SLK: variants seen among roughly 807,000 people sequenced by gnomAD.
SLK encodes the protein STE20-like serine/threonine-protein kinase.
Under a neutral mutation model 147.7 loss-of-function variants are expected in SLK, and 67 were observed. That is an observed-to-expected ratio of 0.45 (90% confidence interval 0.37 to 0.56). The LOEUF is 0.56. SLK is among the 20% of genes least tolerant of loss of function. SLK has a pLI of 0.00. For synonymous variants in SLK, 441 were observed against 475.0 expected, an observed-to-expected ratio of 0.93 and a Z score of 0.93; for missense variants, 1,136 against 1,438.8, an observed-to-expected ratio of 0.79 and a Z score of 3.41.
chr10:104,008,086 A>T (rs1443382941), intron 11 of SLK, 91 bp from the exon 12 acceptor site: 29 of 914,806 alleles, frequency 3.2e-5, no homozygotes, highest in African/African-American at 5.0e-5. Flanking sequence ...AAATTTAAAT[A>T]CTAGTTATGT....
intron 1 of SLK, among the ~76,000 whole-genome samples, chr10:103,969,114 C>G (rs988456802): frequency 6.6e-6 from 1 of 152,138 alleles, no homozygotes; most frequent in Non-Finnish European, 1.5e-5. Flanking sequence ...GGTTTACAGG[C>G]ATACGCCACC....
At chr10:104,010,112 G>A (rs1254810146) in intron 12 of SLK, among the ~76,000 whole-genome samples, 2 of 152,106 alleles carry the variant, frequency 1.3e-5, no homozygotes, top group Non-Finnish European at 2.9e-5. Context: ...ATAAATCATA[G>A]CTTACTAAAC....
intron 15 of SLK, among the ~76,000 whole-genome samples, chr10:104,019,439 A>G (rs1447643067): frequency 1.3e-5 from 2 of 151,948 alleles, no homozygotes; most frequent in Non-Finnish European, 2.9e-5. Context: ...TAATTAAAAA[A>G]AAAAATTTTG....
intron 1 of SLK, among the ~76,000 whole-genome samples, chr10:103,976,912 A>G (rs1299146276): frequency 6.6e-6 from 1 of 152,204 alleles, no homozygotes; most frequent in Non-Finnish European, 1.5e-5. Context: ...CAGTGTTGGC[A>G]CTACAGCCGT....
In SLK at chr10:104,003,095, TGAA is replaced by T. The variant is rs752133682; in HGVS notation, c.1921_1923del (p.Glu641del). The T allele has an allele frequency of 6.2e-7, 1 of 1,613,902 alleles. No homozygotes were observed. Among genetic ancestry groups the T allele is most frequent in the South Asian group, 1.1e-5 (1 of 91,074 alleles). On this transcript the variant is annotated inframe_deletion, in exon 9 of 19. Transcript: ENST00000369755. ...ATGAGGAACCAGGAACAACTGAAGGTGAAGAAATCACTGAGTCAAGTAGCACTG... is the reference window on the plus strand; with the variant it reads ...ATGAGGAACCAGGAACAACTGAAGGTGAAATCACTGAGTCAAGTAGCACTG...
At chr10:104,014,267 T>C (rs1309194043) in intron 13 of SLK, among the ~76,000 whole-genome samples, 3 of 152,242 alleles carry the variant, frequency 2.0e-5, no homozygotes, top group Non-Finnish European at 4.4e-5. Context: ...CGTTTAACTC[T>C]ATTTTCCATT....
chr10:103,993,761 T>TATATATA, intron 4 of SLK, among the ~76,000 whole-genome samples: 1 of 152,338 alleles, frequency 6.6e-6, no homozygotes, highest in South Asian at 2.1e-4. Flanking sequence ...AGTCTAGAGA[T>TATATATA]GAAGTCCAAA....
chr10:103,997,154 A>G (rs1460747832), intron 4 of SLK, among the ~76,000 whole-genome samples: 3 of 152,206 alleles, frequency 2.0e-5, no homozygotes, highest in African/African-American at 4.8e-5. Context: ...CTCTAGGTAT[A>G]TACGTATGTG....
intron 1 of SLK, among the ~76,000 whole-genome samples, chr10:103,978,752 CT>C (rs1202575478): frequency 1.3e-5 from 2 of 152,006 alleles, no homozygotes; most frequent in African/African-American, 4.8e-5. Flanking sequence ...TTTTATTGTT[CT>C]TTTAATTTAT....
Position 103,968,975 on chromosome 10 carries a change from C to CA in SLK, c.150+1080_150+1081insA, listed in dbSNP as rs1564647790. Among the ~76,000 whole-genome samples the CA allele has an allele frequency of 1.6e-4, 24 of 148,984 alleles. No homozygotes were observed. The South Asian group carries it at 4.9e-3, about 31-fold the overall frequency. On this transcript the variant is annotated intron_variant, in intron 1 of 18. Transcript: ENST00000369755. ...ATGAGAGCATTTTGCCTACTACTTT[C>CA]TTTTTTTTTTGAGACGGAGTTTCGC...
chr10:104,021,828 G>T, intron 18 of SLK, 95 bp downstream of exon 18: 1 of 686,564 alleles, frequency 1.5e-6, no homozygotes, highest in Non-Finnish European at 2.5e-6. Context: ...ACAGTGTCAG[G>T]GGCAGGAAAC....
chr10:103,992,594 G>A lies in SLK; in HGVS notation c.316-4G>A, dbSNP rs1340179498. 3 of 1,194,274 alleles carry A rather than the reference G, an allele frequency of 2.5e-6. No individual in the cohort carries two copies. 74.0% of individuals were successfully genotyped at this position (1,194,274 alleles called of 1,614,324 possible). On this transcript the variant is annotated splice_region_variant and splice_polypyrimidine_tract_variant and intron_variant, in intron 2 of 18. Transcript: ENST00000369755. ...CACGCTTTTTTTTTTTTTTTTGCAT[G>A]CAGATCCTCATTGAATTTTGTGCAG... is the stretch of plus-strand genomic sequence containing the variant.
Position 104,003,514 on chromosome 10 carries a change from C to T in SLK, c.2336C>T (p.Ser779Leu), listed in dbSNP as rs187213555. Residue 779 changes from serine to leucine, a missense_variant, in exon 9 of 19, where the codon TCG becomes TTG. Ser to Leu is a moderately radical substitution (Grantham distance 145). Around this residue, in one of 6 missense-constraint regions of SLK, gnomAD observed 516 missense variants for 531.3 expected, o/e 0.97. Transcript: ENST00000369755. ...SFLSKTKDSG[S>L]ISLQETRRQK... is the part of the protein sequence containing the mutation. ...CTAAGTAAAACTAAAGACAGTGGAT[C>T]GATATCTTTACAAGTAAGTGTACAT... is the stretch of plus-strand genomic sequence containing the variant. The T allele has an allele frequency of 7.7e-4, 1,218 of 1,573,822 alleles. 30 individuals are homozygous for T. In the Admixed American group the frequency reaches 0.021, roughly 27 times the overall value.
chr10:104,018,947 TTAAA>T, intron 15 of SLK, 39 bp downstream of exon 15: 2 of 1,538,658 alleles, frequency 1.3e-6, no homozygotes, highest in Non-Finnish European at 8.7e-7. Context: ...TTTGTTCGTT[TTAAA>T]GTTTGCAAAG....
rs750368752 is a variant in SLK, at chr10:104,006,016, G to A, written c.2585G>A (p.Arg862His). The change falls in exon 11 of 19, where the codon CGC becomes CAC. Residue 862 changes from arginine to histidine, a missense_variant. Coordinates refer to ENST00000369755, the MANE Select transcript of SLK (RefSeq NM_014720.4). The stretch of plus-strand genomic sequence containing the variant: ...CAACAACGAGAACAAATTTTCCGGC[G>A]CTTTGAGCAGGAAATGATGGTAAAG... ...LQQQREQIFRRFEQEMMSKKR... is the reference protein window; with the variant it reads ...LQQQREQIFRHFEQEMMSKKR... The A allele has an allele frequency of 1.9e-6, 3 of 1,612,354 alleles. No individual in the cohort carries two copies. Among genetic ancestry groups the A allele is most frequent in the Admixed American group, 1.7e-5 (1 of 59,532 alleles).
Position 104,018,261 on chromosome 10 carries a change from C to T in SLK, c.2979C>T (p.Cys993=). The change falls in exon 14 of 19, where the codon TGC becomes TGT. Residue 993 remains cysteine (C), a synonymous_variant. Coordinates refer to ENST00000369755, the MANE Select transcript of SLK (RefSeq NM_014720.4). ...AGTTAGCTAATATTGAGAGAGAGTG[C>T]CTGAATAACAAGCAACAGCTCATGA... ...KAELANIERE[C]LNNKQQLMRA... 6.3e-7 allele frequency: 1 copy of T among 1,594,430 alleles called. No individual in the cohort carries two copies. The highest frequency in any genetic ancestry group is 8.5e-7 in the Non-Finnish European group (1 of 1,175,068).
chr10:103,974,349 C>T (rs918860606), intron 1 of SLK, among the ~76,000 whole-genome samples: 10 of 151,630 alleles, frequency 6.6e-5, no homozygotes, highest in African/African-American at 1.9e-4. Context: ...CGGTGGCTCA[C>T]GCTTGTAATC....
At chr10:103,998,722 G>A (rs1401442796) in intron 4 of SLK, among the ~76,000 whole-genome samples, 177 bp from the exon 5 acceptor site, 1 of 152,104 alleles carries the variant, frequency 6.6e-6, no homozygotes, top group African/African-American at 2.4e-5. Context: ...TTTTTTGGGA[G>A]ATGGTAGAAA....
chr10:103,998,205 G>T (rs1338396449), intron 4 of SLK, among the ~76,000 whole-genome samples: 2 of 152,112 alleles, frequency 1.3e-5, no homozygotes, highest in Non-Finnish European at 2.9e-5. Context: ...TCTGTGGTAG[G>T]CATGAGCATC....
Sources: gnomAD v4.1 joint callset for allele counts (sites outside exome capture counted in the v4.1 genomes callset) on GRCh38, gnomAD v4.1.1 for gene constraint, gnomAD v4.1.1 regional missense constraint, MANE v1.5 for transcripts, NCBI Gene and HGNC (gene_info 2026-07-23, HGNC 2026-07-21) for gene names.